Variants in CCNY observed in about 807,000 individuals in gnomAD.
CCNY encodes the protein cyclin Y, also known as cyclin-Y.
Under a neutral mutation model 42.8 loss-of-function variants are expected in CCNY, and 19 were observed. That is an observed-to-expected ratio of 0.44 (90% CI 0.31 to 0.65). CCNY has a LOEUF of 0.65. CCNY is among the 30% of genes least tolerant of loss of function. The probability of loss-of-function intolerance (pLI) is 0.07; values close to 1 mark genes in which losing one functional copy is unlikely to be tolerated. For missense variants in CCNY, 370 were observed against 437.3 expected, an observed-to-expected ratio of 0.85 and a Z score of 1.37; for synonymous variants, 165 against 162.7, an observed-to-expected ratio of 1.01 and a Z score of -0.11.
intron 1 of CCNY, among the ~76,000 whole-genome samples, chr10:35,475,040 G>C (rs1357580780): frequency 6.6e-6 from 1 of 152,072 alleles, no homozygotes; most frequent in Non-Finnish European, 1.5e-5. Context: ...TGGAAGAAAG[G>C]GTATCAGCAA....
intron 2 of CCNY, 32 bp downstream of exon 2, chr10:35,483,510 A>G: frequency 1.4e-6 from 2 of 1,398,560 alleles, no homozygotes; most frequent in Non-Finnish European, 2.0e-6. Flanking sequence ...CTTTTTGTAA[A>G]AAAGGCTCAT....
intron 3 of CCNY, among the ~76,000 whole-genome samples, chr10:35,267,887 G>A (rs774625046): frequency 3.7e-4 from 56 of 152,106 alleles, no homozygotes; most frequent in Admixed American, 3.9e-4. Context: ...TTGAGATGGG[G>A]TGTTGTTGAT....
chr10:35,541,173 A>C (rs1840993213), intron 7 of CCNY, among the ~76,000 whole-genome samples: 1 of 151,978 alleles, frequency 6.6e-6, no homozygotes, highest in Non-Finnish European at 1.5e-5. Flanking sequence ...GCATTGCATA[A>C]ATTTTGCTGG....
At chr10:35,330,522 A>T (rs1313492063) in intron 3 of CCNY, among the ~76,000 whole-genome samples, 1 of 152,218 alleles carries the variant, frequency 6.6e-6, no homozygotes, top group Non-Finnish European at 1.5e-5. Context: ...CTTATCAATG[A>T]ATAATACCAA....
At chr10:35,411,592 A>G (rs1210611864) in intron 1 of CCNY, among the ~76,000 whole-genome samples, 2 of 152,024 alleles carry the variant, frequency 1.3e-5, no homozygotes, top group East Asian at 3.9e-4. Flanking sequence ...GCTCTACAAT[A>G]CAATACCTTC....
intron 2 of CCNY, among the ~76,000 whole-genome samples, chr10:35,489,508 G>T (rs1036629680): frequency 6.6e-6 from 1 of 152,076 alleles, no homozygotes; most frequent in Non-Finnish European, 1.5e-5. Context: ...CACCATGTTA[G>T]CCAGGGTGGT....
chr10:35,248,766 G>A (rs987816802), intron 2 of CCNY, among the ~76,000 whole-genome samples: 6 of 152,200 alleles, frequency 3.9e-5, no homozygotes, highest in Non-Finnish European at 7.3e-5. Context: ...TTGATCCCAG[G>A]AGGCTGACGC....
intron 3 of CCNY, among the ~76,000 whole-genome samples, chr10:35,505,376 A>G (rs1261096244): frequency 1.3e-5 from 2 of 151,918 alleles, no homozygotes; most frequent in African/African-American, 4.8e-5. Flanking sequence ...AGAAAGCCAG[A>G]CTGGGAATTC....
At chr10:35,299,739 TC>T (rs763814488) in intron 3 of CCNY, among the ~76,000 whole-genome samples, 1 of 152,242 alleles carries the variant, frequency 6.6e-6, no homozygotes, top group Non-Finnish European at 1.5e-5. Context: ...AATGCTTAAT[TC>T]ATATACATTT....
At chr10:35,422,496 ATG>A (rs2135265329) in intron 1 of CCNY, among the ~76,000 whole-genome samples, 1 of 152,336 alleles carries the variant, frequency 6.6e-6, no homozygotes, top group East Asian at 1.9e-4. Context: ...AGAAGATTAA[ATG>A]TGAGTAAGTA....
intron 7 of CCNY, among the ~76,000 whole-genome samples, chr10:35,537,077 C>T (rs1840901452): frequency 6.6e-6 from 1 of 152,172 alleles, no homozygotes; most frequent in Non-Finnish European, 1.5e-5. Context: ...AGTCTAGGGA[C>T]TTGGTGCCCT....
intron 1 of CCNY, among the ~76,000 whole-genome samples, chr10:35,392,957 C>A (rs1041098142): frequency 3.3e-5 from 5 of 152,108 alleles, no homozygotes; most frequent in African/African-American, 1.2e-4. Context: ...TTAGCTACAA[C>A]CTCCCACCCT....
intron 1 of CCNY, among the ~76,000 whole-genome samples, chr10:35,359,341 T>C (rs1365674091): frequency 6.6e-6 from 1 of 152,228 alleles, no homozygotes. Flanking sequence ...TTGAGAATCC[T>C]GGTTCAGGCT....
At chr10:35,525,544 T>A (rs1163876715) in intron 4 of CCNY, among the ~76,000 whole-genome samples, 4 of 152,242 alleles carry the variant, frequency 2.6e-5, no homozygotes, top group Non-Finnish European at 5.9e-5. Flanking sequence ...TCTTGGGTGA[T>A]ATTCACATTT....
chr10:35,287,088 A>C (rs1835362947), intron 3 of CCNY, among the ~76,000 whole-genome samples: 1 of 152,250 alleles, frequency 6.6e-6, no homozygotes, highest in Admixed American at 6.5e-5. Context: ...TTTTTTATGT[A>C]GAACTTAAAA....
intron 1 of CCNY, among the ~76,000 whole-genome samples, chr10:35,380,208 G>T (rs1255028545): frequency 6.6e-6 from 1 of 152,166 alleles, no homozygotes; most frequent in African/African-American, 2.4e-5. Context: ...CTCCCATTTT[G>T]GTTTGTATTT....
At chr10:35,384,657 AG>A (rs1481023011) in intron 1 of CCNY, among the ~76,000 whole-genome samples, 1 of 152,124 alleles carries the variant, frequency 6.6e-6, no homozygotes, top group East Asian at 1.9e-4. Context: ...CGACTCACAT[AG>A]GGTGAGTCCA....
chr10:35,392,111 A>G (rs1837426700), intron 1 of CCNY, among the ~76,000 whole-genome samples: 1 of 152,226 alleles, frequency 6.6e-6, no homozygotes, highest in African/African-American at 2.4e-5. Context: ...AAGATATGTA[A>G]CTACAAGATC....
intron 1 of CCNY, among the ~76,000 whole-genome samples, chr10:35,339,935 A>G (rs1301847939): frequency 6.6e-6 from 1 of 152,238 alleles, no homozygotes; most frequent in Admixed American, 6.5e-5. Flanking sequence ...AGATTGAGAA[A>G]AAACAGCAAC....
Sources: gnomAD v4.1 joint callset for allele counts (sites outside exome capture counted in the v4.1 genomes callset) on GRCh38, gnomAD v4.1.1 for gene constraint, MANE v1.5 for transcripts, NCBI Gene and HGNC (gene_info 2026-07-23, HGNC 2026-07-21) for gene names.